The following SDCCAG8 variants were observed in gnomAD, a reference collection of about 807,000 sequenced individuals.
The protein encoded by SDCCAG8 is SHH signaling and ciliogenesis regulator SDCCAG8.
A neutral mutation model predicts 101.8 loss-of-function variants in SDCCAG8; 74 were observed. That is an observed-to-expected ratio of 0.73 (90% CI 0.60 to 0.88). The LOEUF is 0.88. Among genes scored for constraint, SDCCAG8 ranks in the 40% least tolerant of loss-of-function variants. The pLI is 0.00. For synonymous variants in SDCCAG8, 281 were observed against 292.9 expected (o/e 0.96, Z 0.41); for missense variants, 787 against 822.6 (o/e 0.96, Z 0.53).
chr1:243,393,387 A>G (rs1220939542), intron 13 of SDCCAG8, among the ~76,000 whole-genome samples: 2 of 152,134 alleles, frequency 1.3e-5, no homozygotes, highest in Non-Finnish European at 2.9e-5. Context: ...GACTGACCAC[A>G]GAGAGGGAGT....
chr1:243,271,482 A>T (rs2068078851), intron 3 of SDCCAG8, among the ~76,000 whole-genome samples: 1 of 151,690 alleles, frequency 6.6e-6, no homozygotes, highest in South Asian at 2.1e-4. Context: ...TTATAATTGT[A>T]GCCCTACTTT....
At chr1:243,358,269 T>G (rs2076501711) in intron 12 of SDCCAG8, among the ~76,000 whole-genome samples, 1 of 152,082 alleles carries the variant, frequency 6.6e-6, no homozygotes, top group Admixed American at 6.6e-5. Flanking sequence ...AATTTTTAAA[T>G]GGGCAAAAGA....
chr1:243,340,924 G>C (rs1407553082), intron 10 of SDCCAG8, 115 bp from the exon 11 acceptor site: 1 of 1,071,052 alleles, frequency 9.3e-7, no homozygotes, highest in Non-Finnish European at 1.4e-6. Flanking sequence ...CCAATCCACA[G>C]AGAAATGGCT....
intron 10 of SDCCAG8, among the ~76,000 whole-genome samples, chr1:243,339,719 T>C (rs2075274855): frequency 6.6e-6 from 1 of 152,246 alleles, no homozygotes; most frequent in South Asian, 2.1e-4. Context: ...ATCTTCGTTT[T>C]ATTGATGTCA....
chr1:243,390,578 C>G (rs2078640768), intron 13 of SDCCAG8, among the ~76,000 whole-genome samples: 1 of 152,106 alleles, frequency 6.6e-6, no homozygotes, highest in Non-Finnish European at 1.5e-5. Flanking sequence ...TTCCCTGGCT[C>G]GCTCCTCTCA....
At chr1:243,316,003 T>G (rs1020444711) in intron 8 of SDCCAG8, among the ~76,000 whole-genome samples, 1 of 152,256 alleles carries the variant, frequency 6.6e-6, no homozygotes, top group African/African-American at 2.4e-5. Flanking sequence ...ACTTATTTAA[T>G]CAATGAGATT....
At chr1:243,393,861 A>G (rs1164791330) in intron 13 of SDCCAG8, among the ~76,000 whole-genome samples, 3 of 152,210 alleles carry the variant, frequency 2.0e-5, no homozygotes, top group Non-Finnish European at 2.9e-5. Context: ...ATTTTTCATA[A>G]GCTCATTTAA....
intron 9 of SDCCAG8, among the ~76,000 whole-genome samples, chr1:243,318,678 G>T (rs1159908510): frequency 1.3e-5 from 2 of 152,082 alleles, no homozygotes; most frequent in African/African-American, 4.8e-5. Context: ...TGTTTCCTCA[G>T]ACTCTCCTGT....
chr1:243,284,757 G>A (rs1183685847), intron 4 of SDCCAG8, among the ~76,000 whole-genome samples: 1 of 152,152 alleles, frequency 6.6e-6, no homozygotes, highest in Non-Finnish European at 1.5e-5. Context: ...ATTTCAAACT[G>A]GCTGCTTTTC....
At chr1:243,390,431 G>A (rs1046021226) in intron 13 of SDCCAG8, among the ~76,000 whole-genome samples, 2 of 152,212 alleles carry the variant, frequency 1.3e-5, no homozygotes, top group Non-Finnish European at 2.9e-5. Flanking sequence ...TGCTCTGGTG[G>A]ACACCACACT....
Position 243,339,695 on chromosome 1 carries a change from G to A in SDCCAG8, c.1222-1344G>A, listed in dbSNP as rs543154121. Among the ~76,000 whole-genome samples the A allele has an allele frequency of 4.6e-5, 7 of 152,218 alleles. No homozygotes were observed. The East Asian group carries it at 7.7e-4, about 17-fold the overall frequency. ...TCAACTTTAACTAGTTCTGTAGTTC[G>A]AAGGCAGACACCTATCTTCGTTTTA... On this transcript the variant is annotated intron_variant, in intron 10 of 17. Coordinates refer to ENST00000366541, the MANE Select transcript of SDCCAG8 (RefSeq NM_006642.5).
At chr1:243,488,661 C>T (rs1015395348) in intron 16 of SDCCAG8, among the ~76,000 whole-genome samples, 2 of 152,222 alleles carry the variant, frequency 1.3e-5, no homozygotes, top group African/African-American at 4.8e-5. Context: ...GTCTGCTCAG[C>T]CTGCCAGAGA....
chr1:243,483,118 G>A (rs1664076536), intron 16 of SDCCAG8, among the ~76,000 whole-genome samples: 1 of 152,220 alleles, frequency 6.6e-6, no homozygotes, highest in Admixed American at 6.5e-5. Flanking sequence ...AACGGACGCT[G>A]GAAGAGGTTT....
intron 10 of SDCCAG8, among the ~76,000 whole-genome samples, chr1:243,331,148 A>G (rs539444592): frequency 2.7e-4 from 41 of 152,360 alleles, no homozygotes; most frequent in African/African-American, 9.1e-4. Flanking sequence ...TGCACTCTGT[A>G]TGAAATCAGT....
intron 16 of SDCCAG8, among the ~76,000 whole-genome samples, chr1:243,439,600 G>T (rs1373070611): frequency 7.5e-6 from 1 of 132,948 alleles, no homozygotes; most frequent in Non-Finnish European, 1.6e-5. Flanking sequence ...ACCCCAGCCT[G>T]GGCAACAAGA....
intron 9 of SDCCAG8, among the ~76,000 whole-genome samples, chr1:243,329,458 T>C (rs1036844413): frequency 3.9e-5 from 6 of 152,296 alleles, no homozygotes; most frequent in African/African-American, 1.4e-4. Flanking sequence ...AAACTTACAG[T>C]GCTTACTAAG....
At chr1:243,379,312 C>T (rs549998255) in intron 13 of SDCCAG8, among the ~76,000 whole-genome samples, 263 of 152,262 alleles carry the variant, frequency 1.7e-3, no homozygotes, top group African/African-American at 6.1e-3. Flanking sequence ...AAGGAATCTG[C>T]ATCCTAAGGA....
intron 15 of SDCCAG8, among the ~76,000 whole-genome samples, chr1:243,424,057 C>T (rs1258456051): frequency 6.6e-6 from 1 of 151,930 alleles, no homozygotes; most frequent in African/African-American, 2.4e-5. Flanking sequence ...TGGTATTGAT[C>T]ATTTGTGTTT....
At chr1:243,312,869 AT>A (rs1161546015) in intron 8 of SDCCAG8, among the ~76,000 whole-genome samples, 1 of 152,162 alleles carries the variant, frequency 6.6e-6, no homozygotes, top group Admixed American at 6.5e-5. Flanking sequence ...TATATTTTTT[AT>A]GTTGATTTGA....
Sources: gnomAD v4.1 joint callset for allele counts (sites outside exome capture counted in the v4.1 genomes callset) on GRCh38, gnomAD v4.1.1 for gene constraint, MANE v1.5 for transcripts, NCBI Gene and HGNC (gene_info 2026-07-23, HGNC 2026-07-21) for gene names.